The following CLOCK variants were observed in gnomAD, a reference collection of about 807,000 sequenced individuals.
CLOCK encodes the protein circadian locomoter output cycles protein kaput.
Under a neutral mutation model 118.4 loss-of-function variants are expected in CLOCK, and 43 were observed. The observed-to-expected ratio is 0.36, with a 90% confidence interval of 0.28 to 0.47. The LOEUF (loss-of-function observed/expected upper bound fraction) is 0.47, where lower values mean the gene tolerates loss of function less well. CLOCK is among the 20% of genes least tolerant of loss of function. The probability of loss-of-function intolerance (pLI) is 1.00; values close to 1 mark genes in which losing one functional copy is unlikely to be tolerated. For missense variants in CLOCK, 846 were observed against 999.9 expected, an observed-to-expected ratio of 0.85 and a Z score of 2.08; for synonymous variants, 326 against 339.2, an observed-to-expected ratio of 0.96 and a Z score of 0.43.
At chr4:55,479,807 A>G in intron 4 of CLOCK, 108 bp from the exon 5 acceptor site, 1 of 853,538 alleles carries the variant, frequency 1.2e-6, no homozygotes, top group Non-Finnish European at 2.0e-6. Flanking sequence ...TGTAAAGTTA[A>G]TGAGTTATAA....
rs1722753295 is a variant in CLOCK at position 55,434,809 on chromosome 4, CAGCATACAAAATGTTTTGCT to C, written c.*586_*605del. 6.4e-6 allele frequency: 1 copy of C among 156,938 alleles called. No homozygotes were observed. Among genetic ancestry groups the C allele is most frequent in the African/African-American group, 2.4e-5 (1 of 41,472 alleles). 9.7% of individuals were successfully genotyped at this position (156,938 alleles called of 1,614,324 possible). A position where few individuals can be genotyped will look rare whatever the true frequency, so the allele number is the denominator to read the frequency against. On this transcript the variant is annotated 3_prime_UTR_variant, in exon 23 of 23. Transcript: ENST00000513440. ...GTAAGGAAGAGATAACGCTTTCATGCAGCATACAAAATGTTTTGCTTTCTCTCCTTTTATCTAGACATATA... is the reference window on the plus strand; with the variant it reads ...GTAAGGAAGAGATAACGCTTTCATGCTTCTCTCCTTTTATCTAGACATATA...
At position 55,483,122 on chromosome 4, in the gene CLOCK, ATAAC is replaced by A. The variant is rs1195421586; in HGVS notation, c.-43-298_-43-295del. 4.6e-5 allele frequency among the ~76,000 whole-genome samples: 7 copies of A among 152,338 alleles called. No homozygotes were observed. In the East Asian group the frequency reaches 1.4e-3, roughly 29 times the overall value. The stretch of plus-strand genomic sequence containing the variant: ...CAATATTCAGTATATATTTGACTAT[ATAAC>A]TACAAATAGTCTGTAATAACACCAT... On this transcript the variant is annotated intron_variant, in intron 3 of 22. Transcript: ENST00000513440.
intron 5 of CLOCK, 148 bp downstream of exon 5, chr4:55,479,492 A>C (rs1283794316): frequency 1.5e-6 from 1 of 655,084 alleles, no homozygotes; most frequent in East Asian, 2.8e-5. Flanking sequence ...TATAAACTAC[A>C]TACCAATATT....
At chr4:55,450,724 C>T (rs1312329440) in intron 15 of CLOCK, among the ~76,000 whole-genome samples, 1 of 151,894 alleles carries the variant, frequency 6.6e-6, no homozygotes, top group African/African-American at 2.4e-5. Context: ...AGCCGAGATC[C>T]TGCCACTGCA....
intron 2 of CLOCK, among the ~76,000 whole-genome samples, chr4:55,501,012 T>C (rs1021109746): frequency 6.6e-6 from 1 of 151,906 alleles, no homozygotes; most frequent in Admixed American, 6.6e-5. Context: ...CCACCATGCC[T>C]AGGGCTAATT....
At chr4:55,533,951 GA>G (rs1730719781) in intron 1 of CLOCK, among the ~76,000 whole-genome samples, 1 of 152,114 alleles carries the variant, frequency 6.6e-6, no homozygotes, top group Non-Finnish European at 1.5e-5. Flanking sequence ...CAGGAGAGTG[GA>G]CACTTGTTTA....
chr4:55,511,865 T>C (rs1271050167), intron 1 of CLOCK, among the ~76,000 whole-genome samples: 2 of 152,146 alleles, frequency 1.3e-5, no homozygotes, highest in South Asian at 2.1e-4. Flanking sequence ...CAATATGTAG[T>C]AGCCATTTCA....
chr4:55,523,320 C>G (rs1445253761), intron 1 of CLOCK, among the ~76,000 whole-genome samples: 2 of 151,804 alleles, frequency 1.3e-5, no homozygotes. Flanking sequence ...CAAACAAAAC[C>G]AGACAAACGG....
intron 2 of CLOCK, among the ~76,000 whole-genome samples, chr4:55,496,160 T>C (rs1728066499): frequency 1.3e-5 from 2 of 151,140 alleles, no homozygotes; most frequent in Admixed American, 1.3e-4. Context: ...CAGCACTCCA[T>C]CCTAGGTGAC....
chr4:55,472,851 T>C (rs1726241440), intron 7 of CLOCK, among the ~76,000 whole-genome samples: 1 of 151,884 alleles, frequency 6.6e-6, no homozygotes, highest in African/African-American at 2.4e-5. Flanking sequence ...GAAGTAGAAA[T>C]CTTGTCATTC....
In CLOCK at chr4:55,431,476, C is replaced by A. The variant is rs1245075611; in HGVS notation, c.*3939G>T. Reference sequence around the variant, plus strand: ...TCCAAACTTAAAAGGTTCTCTTTCTCCAAACACTTAAAATGGCAAGTGCCT... The same window carrying A: ...TCCAAACTTAAAAGGTTCTCTTTCTACAAACACTTAAAATGGCAAGTGCCT... On this transcript the variant is annotated 3_prime_UTR_variant, in exon 23 of 23. Transcript: ENST00000513440. 1 of 152,216 alleles carries A rather than the reference C, an allele frequency of 6.6e-6. No homozygotes were observed. Among genetic ancestry groups the A allele is most frequent in the African/African-American group, 2.4e-5 (1 of 41,452 alleles). The allele number at this position is 152,216 out of a possible 1,614,324, so 9.4% of individuals were successfully genotyped here.
chr4:55,463,830 A>C, intron 8 of CLOCK, 25 bp from the exon 9 acceptor site: 1 of 1,590,518 alleles, frequency 6.3e-7, no homozygotes, highest in South Asian at 1.1e-5. Context: ...GTTAAAAGTA[A>C]AATAACTTCA....
At chr4:55,451,823 A>ACCC (rs2109761906) in intron 15 of CLOCK, among the ~76,000 whole-genome samples, 1 of 152,324 alleles carries the variant, frequency 6.6e-6, no homozygotes, top group African/African-American at 2.4e-5. Context: ...ACCTCTTTGG[A>ACCC]AAAGTTCTTT....
intron 22 of CLOCK, among the ~76,000 whole-genome samples, chr4:55,436,746 A>G (rs115047336): frequency 6.6e-6 from 1 of 152,326 alleles, no homozygotes; most frequent in African/African-American, 2.4e-5. Flanking sequence ...TATGAGCCTT[A>G]TAAGATTACA....
At chr4:55,476,813 A>C (rs1351917513) in intron 6 of CLOCK, among the ~76,000 whole-genome samples, 1 of 152,158 alleles carries the variant, frequency 6.6e-6, no homozygotes, top group African/African-American at 2.4e-5. Context: ...TCTATTTTTT[A>C]ATGTAGACAT....
chr4:55,429,907 G>A lies in CLOCK; in HGVS notation c.*5508C>T, dbSNP rs1319471412. On this transcript the variant is annotated 3_prime_UTR_variant, in exon 23 of 23. Transcript: ENST00000513440. ...TCCACTGCCGTCCTGAAGTAAAGTA[G>A]ATTCAGACTGTCCGTAAAGATTATC... 6.6e-6 allele frequency: 1 copy of A among 152,180 alleles called. No homozygotes were observed. Among genetic ancestry groups the A allele is most frequent in the African/African-American group, 2.4e-5 (1 of 41,442 alleles). 9.4% of individuals were successfully genotyped at this position (152,180 alleles called of 1,614,324 possible).
At chr4:55,529,688 G>A (rs1333366097) in intron 1 of CLOCK, among the ~76,000 whole-genome samples, 1 of 152,144 alleles carries the variant, frequency 6.6e-6, no homozygotes, top group African/African-American at 2.4e-5. Flanking sequence ...CACAAGGTAG[G>A]TATTATTATC....
chr4:55,508,128 T>C (rs1479923048), intron 2 of CLOCK, among the ~76,000 whole-genome samples: 1 of 152,160 alleles, frequency 6.6e-6, no homozygotes, highest in Admixed American at 6.5e-5. Context: ...CTTAACCATA[T>C]CCTTTAGGCC....
chr4:55,462,391 A>G (rs1261813694), intron 9 of CLOCK, among the ~76,000 whole-genome samples: 1 of 152,146 alleles, frequency 6.6e-6, no homozygotes, highest in Non-Finnish European at 1.5e-5. Context: ...GGTTCAAGCA[A>G]TTATCCTACC....
Sources: allele counts gnomAD v4.1 joint callset (sites outside exome capture counted in the v4.1 genomes callset), GRCh38; gene constraint gnomAD v4.1.1; transcripts MANE v1.5; gene names NCBI Gene and HGNC (gene_info 2026-07-23, HGNC 2026-07-21).